The following DEK variants were observed in gnomAD, a reference collection of about 807,000 sequenced individuals.
DEK encodes DEK proto-oncogene.
In DEK, 28 loss-of-function variants were observed where a neutral mutation model predicts 46.8. That is an observed-to-expected ratio of 0.60 (90% CI 0.44 to 0.82). The LOEUF is 0.82. DEK is among the 40% of genes least tolerant of loss of function. DEK has a pLI of 0.00. For synonymous variants in DEK, 160 were observed against 144.5 expected (o/e 1.11, Z -0.77); for missense variants, 416 against 430.6 (o/e 0.97, Z 0.30).
At chr6:18,238,738 C>G (rs1350509766) in intron 7 of DEK, among the ~76,000 whole-genome samples, 2 of 151,684 alleles carry the variant, frequency 1.3e-5, no homozygotes, top group Non-Finnish European at 2.9e-5. Context: ...CATGTGGAGC[C>G]TGTGAAATTA....
At chr6:18,254,906 G>A (rs1051748499) in intron 6 of DEK, among the ~76,000 whole-genome samples, 2 of 152,128 alleles carry the variant, frequency 1.3e-5, no homozygotes, top group Non-Finnish European at 2.9e-5. Context: ...TGCAGCTAAT[G>A]GTAATAAGGA....
At chr6:18,243,144 A>C (rs921101564) in intron 7 of DEK, among the ~76,000 whole-genome samples, 1 of 152,148 alleles carries the variant, frequency 6.6e-6, no homozygotes, top group African/African-American at 2.4e-5. Flanking sequence ...TTTCTTATAT[A>C]TTTATTATAA....
intron 4 of DEK, among the ~76,000 whole-genome samples, chr6:18,257,440 A>G (rs1791647269): frequency 6.6e-6 from 1 of 152,242 alleles, no homozygotes; most frequent in African/African-American, 2.4e-5. Flanking sequence ...AGCTGGGCAT[A>G]CTGGCTCACA....
intron 7 of DEK, among the ~76,000 whole-genome samples, chr6:18,243,196 G>C (rs1474758130): frequency 6.6e-6 from 1 of 152,148 alleles, no homozygotes; most frequent in East Asian, 1.9e-4. Flanking sequence ...ACCTCTCATG[G>C]AGTCAAGACT....
chr6:18,231,627 A>G (rs1285818546), intron 9 of DEK, among the ~76,000 whole-genome samples: 1 of 152,254 alleles, frequency 6.6e-6, no homozygotes, highest in African/African-American at 2.4e-5. Context: ...TGAAATGGAT[A>G]AATTCCTGGA....
intron 9 of DEK, among the ~76,000 whole-genome samples, chr6:18,235,623 A>G (rs1790611124): frequency 6.6e-6 from 1 of 152,176 alleles, no homozygotes; most frequent in Admixed American, 6.5e-5. Flanking sequence ...AAGCTAAGTA[A>G]TGGCTTCTCT....
chr6:18,236,425 A>G (rs1413485988), intron 9 of DEK, 27 bp downstream of exon 9: 1 of 1,601,248 alleles, frequency 6.2e-7, no homozygotes, highest in Admixed American at 1.7e-5. Context: ...AGCAAAAGCA[A>G]AATAATCTAA....
At position 18,258,001 on chromosome 6, in the gene DEK, G is replaced by T. The variant is rs369711321; in HGVS notation, c.309C>A (p.Thr103=). The T allele has an allele frequency of 1.2e-6, 2 of 1,611,102 alleles. No homozygotes were observed. Among genetic ancestry groups the T allele is most frequent in the African/African-American group, 2.7e-5 (2 of 74,704 alleles). Residue 103 remains threonine (T), a synonymous_variant, in exon 4 of 11, where the codon ACC becomes ACA. Coordinates refer to ENST00000652689, the MANE Select transcript of DEK (RefSeq NM_003472.4). ...GTTTGTGTAGATTTCTAAGTTCATC[G>T]GTTTTCTTCTTACTTAGAAAAAAAT... ...RIHFFLSKKK[T]DELRNLHKLL... is the part of the protein sequence containing the mutation.
At chr6:18,259,245 A>C (rs1371157523) in intron 2 of DEK, among the ~76,000 whole-genome samples, 1 of 151,194 alleles carries the variant, frequency 6.6e-6, no homozygotes, top group South Asian at 2.1e-4. Context: ...AATACAAAAA[A>C]TTAGCCAGGT....
chr6:18,258,127 T>C, intron 3 of DEK, 65 bp from the exon 4 acceptor site: 1 of 1,234,574 alleles, frequency 8.1e-7, no homozygotes, highest in Non-Finnish European at 1.1e-6. Flanking sequence ...AAAGTTAATT[T>C]AATGAGAATT....
rs1421300837 is a variant in DEK at position 18,224,225 on chromosome 6, T to C, written c.*1494A>G. The C allele has an allele frequency of 5.6e-6, 1 of 178,440 alleles. No homozygotes were observed. Among genetic ancestry groups the C allele is most frequent in the African/African-American group, 2.4e-5 (1 of 42,364 alleles). 11.1% of individuals were successfully genotyped at this position (178,440 alleles called of 1,614,324 possible). ...TTGACAAGGTTTATAAGAACAAATA[T>C]TTAAAATCGAAGGCCAATTATTAGG... On this transcript the variant is annotated 3_prime_UTR_variant, in exon 11 of 11. Transcript: ENST00000652689.
At chr6:18,226,139 T>C in intron 10 of DEK, 35 bp downstream of exon 10, 1 of 1,256,134 alleles carries the variant, frequency 8.0e-7, no homozygotes, top group South Asian at 1.7e-5. Context: ...TGTCTTATAT[T>C]TCTAAAGTCA....
chr6:18,242,868 A>G (rs561545473), intron 7 of DEK, among the ~76,000 whole-genome samples: 1 of 152,332 alleles, frequency 6.6e-6, no homozygotes, highest in African/African-American at 2.4e-5. Flanking sequence ...AATCTTCTAT[A>G]TGTGAAATTG....
At chr6:18,236,685 A>T (rs1255214448) in intron 8 of DEK, 85 bp from the exon 9 acceptor site, 6 of 965,516 alleles carry the variant, frequency 6.2e-6, no homozygotes, top group Non-Finnish European at 8.5e-6. Context: ...AGCTTTCAAC[A>T]GATTCTCAAA....
At position 18,256,450 on chromosome 6, in the gene DEK, G is replaced by A; in HGVS notation, c.363C>T (p.Ser121=). 3 of 1,610,754 alleles carry A rather than the reference G, an allele frequency of 1.9e-6. No individual in the cohort carries two copies. Among genetic ancestry groups the A allele is most frequent in the Non-Finnish European group, 2.5e-6 (3 of 1,178,464 alleles). ...KLLYNRPGTV[S]SLKKNVGQFS... The stretch of plus-strand genomic sequence containing the variant: ...ACTGACCCACATTCTTCTTTAATGA[G>A]GACACCTGAAAATGTTCCTTATTAT... The change falls in exon 5 of 11, where the codon TCC becomes TCT. Residue 121 remains serine, a synonymous_variant. Coordinates refer to ENST00000652689, the MANE Select transcript of DEK (RefSeq NM_003472.4).
chr6:18,260,243 T>C (rs188883385), intron 2 of DEK, among the ~76,000 whole-genome samples: 163 of 152,318 alleles, frequency 1.1e-3, no homozygotes, highest in African/African-American at 3.6e-3. Context: ...GATATGTAAA[T>C]AGTTGTTATA....
intron 9 of DEK, among the ~76,000 whole-genome samples, chr6:18,234,632 T>C (rs2328237): frequency 6.6e-6 from 1 of 152,208 alleles, no homozygotes; most frequent in African/African-American, 2.4e-5. Context: ...GCCATTATTA[T>C]GAATTCCTTC....
At chr6:18,260,383 T>A (rs887600891) in intron 2 of DEK, among the ~76,000 whole-genome samples, 1 of 152,218 alleles carries the variant, frequency 6.6e-6, no homozygotes, top group African/African-American at 2.4e-5. Context: ...CAACAGTATA[T>A]GCCTGTCTGT....
chr6:18,242,404 G>A (rs1333207482), intron 7 of DEK, among the ~76,000 whole-genome samples: 5 of 152,094 alleles, frequency 3.3e-5, no homozygotes, highest in Non-Finnish European at 7.4e-5. Flanking sequence ...CTTTATCTAT[G>A]GTTTCTCTTT....
Sources: allele counts gnomAD v4.1 joint callset (sites outside exome capture counted in the v4.1 genomes callset), GRCh38; gene constraint gnomAD v4.1.1; transcripts MANE v1.5; gene names NCBI Gene and HGNC (gene_info 2026-07-23, HGNC 2026-07-21).